The following AFAP1 variants were observed in gnomAD, a reference collection of about 807,000 sequenced individuals.
The protein encoded by AFAP1 is actin filament associated protein 1, also known as actin filament-associated protein 1.
A neutral mutation model predicts 93.9 loss-of-function variants in AFAP1; 75 were observed. The observed-to-expected ratio is 0.80, with a 90% CI of 0.66 to 0.97. AFAP1 has a LOEUF of 0.97. Ranked by LOEUF, AFAP1 falls within the 50% of genes least tolerant of loss-of-function variation. The probability of loss-of-function intolerance (pLI) is 0.00; values close to 1 mark genes in which losing one functional copy is unlikely to be tolerated. For missense variants in AFAP1, 1,201 were observed against 1,050.8 expected (o/e 1.14, Z -1.98); for synonymous variants, 517 against 430.7 (o/e 1.20, Z -2.48).
intron 17 of AFAP1, among the ~76,000 whole-genome samples, chr4:7,765,096 C>G (rs1321391138): frequency 1.3e-5 from 2 of 149,436 alleles, no homozygotes; most frequent in African/African-American, 4.9e-5. Context: ...AGAGCAAGAC[C>G]CTGTCTCAAT....
chr4:7,774,991 A>C, intron 14 of AFAP1, 88 bp from the exon 15 acceptor site: 3 of 1,484,632 alleles, frequency 2.0e-6, no homozygotes, highest in Non-Finnish European at 2.7e-6. Context: ...AAAATACAAA[A>C]TTAGCCAGGC....
At chr4:7,846,210 T>G (rs1216306544) in intron 4 of AFAP1, among the ~76,000 whole-genome samples, 1 of 152,214 alleles carries the variant, frequency 6.6e-6, no homozygotes, top group Non-Finnish European at 1.5e-5. Context: ...GGACTGACAG[T>G]GTTCTACCCT....
intron 8 of AFAP1, among the ~76,000 whole-genome samples, chr4:7,814,547 A>C (rs1720308988): frequency 6.6e-6 from 1 of 152,226 alleles, no homozygotes; most frequent in Admixed American, 6.5e-5. Context: ...GAATGGGCTG[A>C]CTACGGTCCA....
At chr4:7,879,424 C>T (rs1490126644) in intron 1 of AFAP1, among the ~76,000 whole-genome samples, 2 of 152,260 alleles carry the variant, frequency 1.3e-5, no homozygotes, top group East Asian at 1.9e-4. Flanking sequence ...ACCCCAGCCC[C>T]GACACCTGCT....
intron 1 of AFAP1, among the ~76,000 whole-genome samples, chr4:7,926,250 A>G (rs1378315973): frequency 3.9e-5 from 6 of 152,188 alleles, no homozygotes; most frequent in Non-Finnish European, 8.8e-5. Flanking sequence ...ACACTACCCC[A>G]CAGTTCTATT....
At chr4:7,892,802 G>T (rs1483160159) in intron 1 of AFAP1, among the ~76,000 whole-genome samples, 1 of 152,122 alleles carries the variant, frequency 6.6e-6, no homozygotes, top group Non-Finnish European at 1.5e-5. Flanking sequence ...AGCCAGCTGG[G>T]ATGAAATTGC....
chr4:7,926,266 A>G lies in AFAP1; in HGVS notation c.-3+13390T>C, dbSNP rs552455644. ...CACTACCCCACAGTTCTATTTTAGC[A>G]GACTTACATGTGCCATAATATCTAA... On this transcript the variant is annotated intron_variant, in intron 1 of 17. Coordinates refer to ENST00000420658, the MANE Select transcript of AFAP1 (RefSeq NM_001134647.2). Among the ~76,000 whole-genome samples the G allele has an allele frequency of 1.2e-4, 18 of 152,366 alleles. No individual in the cohort carries two copies. In the South Asian group the frequency reaches 3.5e-3, roughly 30 times the overall value.
chr4:7,774,386 A>G (rs1278785056), intron 15 of AFAP1: 2 of 246,750 alleles, frequency 8.1e-6, no homozygotes, highest in Non-Finnish European at 1.6e-5. Flanking sequence ...GATCCCTCCT[A>G]CCCGGTGACC....
rs781384874 is a variant in AFAP1, at chr4:7,781,482, A to G, written c.1676T>C (p.Leu559Pro). 2 of 1,552,234 alleles carry G rather than the reference A, an allele frequency of 1.3e-6. No homozygotes were observed. Among genetic ancestry groups the G allele is most frequent in the Non-Finnish European group, 1.7e-6 (2 of 1,147,092 alleles). ...YSPADRKASR[L>P]SADKLSSNHY... ...GTTAGAGGACAGCTTGTCAGCAGAC[A>G]GCCTAGAGGCCTTTCTGTCAGCAGG... The change falls in exon 13 of 18, where the codon CTG becomes CCG. Residue 559 changes from leucine (L) to proline (P), a missense_variant. Physicochemically the swap from Leu to Pro is moderately conservative, Grantham distance 98 (BLOSUM62 -3). Transcript: ENST00000420658.
chr4:7,909,569 C>T (rs1395792261), intron 1 of AFAP1, among the ~76,000 whole-genome samples: 1 of 152,136 alleles, frequency 6.6e-6, no homozygotes, highest in East Asian at 1.9e-4. Flanking sequence ...TACTTCACGG[C>T]AGGTAGTAAC....
chr4:7,854,953 G>T (rs1052469940), intron 4 of AFAP1, among the ~76,000 whole-genome samples: 1 of 152,156 alleles, frequency 6.6e-6, no homozygotes, highest in Admixed American at 6.5e-5. Flanking sequence ...CTGGGGCCAG[G>T]AGAACCAGAA....
chr4:7,764,765 G>C (rs1345888898), intron 17 of AFAP1, among the ~76,000 whole-genome samples: 1 of 152,114 alleles, frequency 6.6e-6, no homozygotes, highest in Non-Finnish European at 1.5e-5. Context: ...GGCTATGTCT[G>C]GTCTGACAAC....
chr4:7,907,641 G>A (rs936351729), intron 1 of AFAP1, among the ~76,000 whole-genome samples: 9 of 152,272 alleles, frequency 5.9e-5, no homozygotes, highest in African/African-American at 2.2e-4. Context: ...GAGCGCTGAC[G>A]TGACGCCCAA....
intron 4 of AFAP1, among the ~76,000 whole-genome samples, chr4:7,852,280 G>C (rs1384692867): frequency 6.6e-6 from 1 of 152,160 alleles, no homozygotes; most frequent in Non-Finnish European, 1.5e-5. Context: ...CAAAATGCTT[G>C]CTTTCCTTCC....
At chr4:7,912,092 T>C (rs1054976590) in intron 1 of AFAP1, among the ~76,000 whole-genome samples, 1 of 152,170 alleles carries the variant, frequency 6.6e-6, no homozygotes, top group Non-Finnish European at 1.5e-5. Flanking sequence ...AAGGGTATTA[T>C]GCATGATGGT....
chr4:7,867,474 G>T (rs1275091598), intron 3 of AFAP1, among the ~76,000 whole-genome samples: 3 of 152,156 alleles, frequency 2.0e-5, no homozygotes, highest in Admixed American at 2.0e-4. Flanking sequence ...CACTTCGGTG[G>T]ACAGGCTCAA....
At chr4:7,862,940 CCCCT>C (rs1715903291) in intron 3 of AFAP1, among the ~76,000 whole-genome samples, 1 of 152,186 alleles carries the variant, frequency 6.6e-6, no homozygotes, top group African/African-American at 2.4e-5. Flanking sequence ...TCCATTTAGA[CCCCT>C]TTAGCAAGCC....
chr4:7,796,646 G>A (rs148115577), intron 10 of AFAP1, among the ~76,000 whole-genome samples: 2,062 of 151,770 alleles, frequency 0.014, 42 homozygotes, highest in African/African-American at 0.047. Flanking sequence ...AGCTACTCAG[G>A]AGGCTGAAGC....
rs565911752 is a variant in AFAP1 at position 7,829,950 on chromosome 4, A to C, written c.726+8574T>G. On this transcript the variant is annotated intron_variant, in intron 6 of 17. Coordinates refer to ENST00000420658, the MANE Select transcript of AFAP1 (RefSeq NM_001134647.2). ...ATACAGAATTGTCTGTAATATCAAA[A>C]GACTGAAAGCAACCCAATGTCCATA... 2.6e-5 allele frequency among the ~76,000 whole-genome samples: 4 copies of C among 152,374 alleles called. No individual in the cohort carries two copies. The South Asian group carries it at 8.3e-4, about 32-fold the overall frequency.
Sources: gnomAD v4.1 joint callset for allele counts (sites outside exome capture counted in the v4.1 genomes callset) on GRCh38, gnomAD v4.1.1 for gene constraint, MANE v1.5 for transcripts, NCBI Gene and HGNC (gene_info 2026-07-23, HGNC 2026-07-21) for gene names.